Variants in MRC2 observed in about 807,000 individuals in gnomAD.
The protein encoded by MRC2 is mannose receptor C-type 2.
A neutral mutation model predicts 206.2 loss-of-function variants in MRC2; 84 were observed. That is an observed-to-expected ratio of 0.41 (90% confidence interval 0.34 to 0.49). The LOEUF (loss-of-function observed/expected upper bound fraction) is 0.49, where lower values mean the gene tolerates loss of function less well. MRC2 is among the 20% of genes least tolerant of loss of function. The probability of loss-of-function intolerance (pLI) is 0.31; values close to 1 mark genes in which losing one functional copy is unlikely to be tolerated. For missense variants in MRC2, 1,676 were observed against 2,001.5 expected (o/e 0.84, Z 3.10); for synonymous variants, 798 against 800.0 (o/e 1.00, Z 0.04).
chr17:62,684,715 G>C (rs1641624886), intron 20 of MRC2, among the ~76,000 whole-genome samples: 1 of 152,192 alleles, frequency 6.6e-6, no homozygotes, highest in African/African-American at 2.4e-5. Context: ...GACATTTTAA[G>C]AACACTTAGC....
intron 18 of MRC2, chr17:62,681,608 T>G: frequency 1.9e-6 from 1 of 521,036 alleles, no homozygotes; most frequent in Non-Finnish European, 3.4e-6. Flanking sequence ...TCAGGCTTCT[T>G]TTCTGGAGCA....
At chr17:62,642,972 C>T (rs1293061766) in intron 1 of MRC2, among the ~76,000 whole-genome samples, 1 of 152,140 alleles carries the variant, frequency 6.6e-6, no homozygotes, top group Non-Finnish European at 1.5e-5. Context: ...CATGCCACAG[C>T]ATGGATGGAG....
In MRC2 at chr17:62,680,471, C is replaced by A; in HGVS notation, c.2473+18C>A. On this transcript the variant is annotated intron_variant, in intron 16 of 29. Transcript: ENST00000303375. The surrounding 1 kb of genome is among the most constrained non-coding windows in gnomAD (Gnocchi z 4.8). ...CCCTCAAGGTGAGCACCCCCCAGCC[C>A]ATCCCGCTACCCATCGCGTGGGAGA... The A allele has an allele frequency of 6.2e-7, 1 of 1,613,906 alleles. No homozygotes were observed. The highest frequency in any genetic ancestry group is 8.5e-7 in the Non-Finnish European group (1 of 1,179,956).
intron 1 of MRC2, among the ~76,000 whole-genome samples, chr17:62,640,785 C>T (rs530802616): frequency 6.6e-5 from 10 of 151,494 alleles, no homozygotes; most frequent in Non-Finnish European, 1.3e-4. Flanking sequence ...CCCAGGTTCA[C>T]GCCATTCTCC....
intron 21 of MRC2, 41 bp from the exon 22 acceptor site, chr17:62,688,460 C>T: frequency 6.2e-7 from 1 of 1,614,138 alleles, no homozygotes; most frequent in East Asian, 2.2e-5. Flanking sequence ...CCCCAAATAG[C>T]TATAGCAGAG....
Position 62,667,662 on chromosome 17 carries a change from C to A in MRC2, c.1117+129C>A. 1 of 1,018,708 alleles carries A rather than the reference C, an allele frequency of 9.8e-7. No homozygotes were observed. Among genetic ancestry groups the A allele is most frequent in the Non-Finnish European group, 1.4e-6 (1 of 734,580 alleles). 63.1% of individuals were successfully genotyped at this position (1,018,708 alleles called of 1,614,324 possible). A position where few individuals can be genotyped will look rare whatever the true frequency, so the allele number is the denominator to read the frequency against. On this transcript the variant is annotated intron_variant, in intron 6 of 29. Transcript: ENST00000303375. This position sits in a 1 kb window ranked among gnomAD's most constrained non-coding sequence, Gnocchi z 4.1. Reference sequence around the variant, plus strand: ...CACAAGGGGACTCTGGATCCTCTGACTCTTATTTCATTGTTCAGTTAAAGT... The same window carrying A: ...CACAAGGGGACTCTGGATCCTCTGAATCTTATTTCATTGTTCAGTTAAAGT...
Position 62,667,390 on chromosome 17 carries a change from A to C in MRC2, c.974A>C (p.Asp325Ala). ...TGCTGGCGCCCTGCCCTCCCCACAG[A>C]CCAGCCGGACAACCCCAGTGAGGAG... ...SPLKYLNWES[D>A]QPDNPSEENC... The change falls in exon 6 of 30, where the codon GAC becomes GCC. Residue 325 changes from aspartate to alanine, a missense_variant and splice_region_variant. Physicochemically the swap from Asp to Ala is moderately radical, Grantham distance 126 (BLOSUM62 -2). Around this residue, in one of 3 missense-constraint regions of MRC2, gnomAD observed 1,354 missense variants for 1,636.6 expected, o/e 0.83. Transcript: ENST00000303375. This position sits in a 1 kb window ranked among gnomAD's most constrained non-coding sequence, Gnocchi z 4.1. 1.9e-6 allele frequency: 3 copies of C among 1,595,822 alleles called. No homozygotes were observed. Among genetic ancestry groups the C allele is most frequent in the Non-Finnish European group, 2.6e-6 (3 of 1,172,902 alleles).
intron 2 of MRC2, among the ~76,000 whole-genome samples, chr17:62,665,496 G>C (rs1016235479): frequency 1.9e-4 from 29 of 151,884 alleles, no homozygotes; most frequent in Admixed American, 4.6e-4. Context: ...CAAAATACAT[G>C]CTTGTAAAGT....
At chr17:62,681,744 C>A in intron 18 of MRC2, 93 bp from the exon 19 acceptor site, 1 of 1,003,942 alleles carries the variant, frequency 1.0e-6, no homozygotes, top group South Asian at 1.4e-5. Flanking sequence ...TGGGCCCTTC[C>A]CTGCCCCCAT....
intron 1 of MRC2, among the ~76,000 whole-genome samples, chr17:62,638,960 G>C (rs1300724336): frequency 1.3e-5 from 2 of 151,974 alleles, no homozygotes; most frequent in East Asian, 3.9e-4. Flanking sequence ...GAGGACACCT[G>C]GATTATAATT....
At chr17:62,639,476 T>G (rs2088371753) in intron 1 of MRC2, among the ~76,000 whole-genome samples, 1 of 152,212 alleles carries the variant, frequency 6.6e-6, no homozygotes, top group African/African-American at 2.4e-5. Context: ...TATATCTGAC[T>G]GGGGGACTGT....
At chr17:62,668,797 G>A (rs1357363306) in intron 6 of MRC2, among the ~76,000 whole-genome samples, 2 of 152,264 alleles carry the variant, frequency 1.3e-5, no homozygotes, top group South Asian at 2.1e-4. Context: ...GGGCCTCGTG[G>A]AGGAGTTGGG....
In MRC2 at chr17:62,668,823, T is replaced by G. The variant is rs564681227; in HGVS notation, c.1117+1290T>G. ...AGGAGTTGGGGCAATGGACAGGGTC[T>G]GCTTTAGGGATTCTGCCCCTTACTG... On this transcript the variant is annotated intron_variant, in intron 6 of 29. Transcript: ENST00000303375. Among the ~76,000 whole-genome samples, 15 of 152,296 alleles carry G rather than the reference T, an allele frequency of 9.8e-5. No homozygotes were observed. In the East Asian group the frequency reaches 1.2e-3, roughly 12 times the overall value.
rs193183287 is a variant in MRC2 at position 62,676,285 on chromosome 17, G to T, written c.1686-98G>T. 4.1e-6 allele frequency: 6 copies of T among 1,472,872 alleles called. No homozygotes were observed. In the African/African-American group the frequency reaches 7.0e-5, roughly 17 times the overall value. The allele number at this position is 1,472,872 out of a possible 1,614,324, so 91.2% of individuals were successfully genotyped here. ...TGCTTTCTTGAGCAAGTTATTGGTC[G>T]GGTGCAGCACCCGAGCTCCCACGGT... On this transcript the variant is annotated intron_variant, in intron 10 of 29. Coordinates refer to ENST00000303375, the MANE Select transcript of MRC2 (RefSeq NM_006039.5).
chr17:62,633,520 A>C (rs1480634375), intron 1 of MRC2, among the ~76,000 whole-genome samples: 1 of 150,984 alleles, frequency 6.6e-6, no homozygotes, highest in African/African-American at 2.4e-5. Flanking sequence ...AAAAAAAAAA[A>C]AAGAGAAAAC....
chr17:62,686,828 T>G (rs1413128275), intron 20 of MRC2, among the ~76,000 whole-genome samples: 1 of 152,212 alleles, frequency 6.6e-6, no homozygotes, highest in Non-Finnish European at 1.5e-5. Flanking sequence ...TGAAACTACT[T>G]CTGTGAAACC....
At position 62,634,022 on chromosome 17, in the gene MRC2, T is replaced by C. The variant is rs190511072; in HGVS notation, c.118+6102T>C. Reference sequence around the variant, plus strand: ...GGAAAGTAAAGGAATAAAGAATGGCTACTCCATAGGCAGAGGAGTAGCACT... The same window carrying C: ...GGAAAGTAAAGGAATAAAGAATGGCCACTCCATAGGCAGAGGAGTAGCACT... On this transcript the variant is annotated intron_variant, in intron 1 of 29. Coordinates refer to ENST00000303375, the MANE Select transcript of MRC2 (RefSeq NM_006039.5). Among the ~76,000 whole-genome samples, 10 of 152,224 alleles carry C rather than the reference T, an allele frequency of 6.6e-5. No individual in the cohort carries two copies. In the East Asian group the frequency reaches 1.9e-3, roughly 29 times the overall value.
Position 62,680,072 on chromosome 17 carries a change from C to A in MRC2, c.2299-98C>A. 4.5e-6 allele frequency: 7 copies of A among 1,562,288 alleles called. No individual in the cohort carries two copies. Among genetic ancestry groups the A allele is most frequent in the Non-Finnish European group, 6.1e-6 (7 of 1,146,878 alleles). On this transcript the variant is annotated intron_variant, in intron 14 of 29. Coordinates refer to ENST00000303375, the MANE Select transcript of MRC2 (RefSeq NM_006039.5). The surrounding 1 kb of genome is among the most constrained non-coding windows in gnomAD (Gnocchi z 4.8). ...GGTCACCCGGCCCCCGGTGAGAATT[C>A]GCAGCTCAGGCCAGGCCTCTTGTTC...
intron 1 of MRC2, among the ~76,000 whole-genome samples, chr17:62,659,490 G>A (rs917010581): frequency 2.0e-5 from 3 of 151,718 alleles, no homozygotes; most frequent in Non-Finnish European, 4.4e-5. Context: ...TTGCAGCAGT[G>A]AGCAGAGATC....
Sources: allele counts gnomAD v4.1 joint callset (sites outside exome capture counted in the v4.1 genomes callset), GRCh38; gene constraint gnomAD v4.1.1; regional missense constraint gnomAD v4.1.1; non-coding constraint Gnocchi (gnomAD v3.1); transcripts MANE v1.5; gene names NCBI Gene and HGNC (gene_info 2026-07-23, HGNC 2026-07-21).